PARD3: variants seen among roughly 807,000 people sequenced by gnomAD.
PARD3 encodes par-3 family cell polarity regulator, also known as partitioning defective 3 homolog.
In PARD3, 75 loss-of-function variants were observed where a neutral mutation model predicts 155.4. The observed-to-expected ratio is 0.48, with a 90% CI of 0.40 to 0.58. PARD3 has a LOEUF of 0.58. Among genes scored for constraint, PARD3 ranks in the 20% least tolerant of loss-of-function variants. The pLI, the probability that PARD3 is intolerant of heterozygous loss-of-function variation, is 0.00. For missense variants in PARD3, 1,642 were observed against 1,721.7 expected (o/e 0.95, Z 0.82); for synonymous variants, 576 against 610.5 (o/e 0.94, Z 0.83).
At chr10:34,141,943 A>G (rs1002744041) in intron 22 of PARD3, among the ~76,000 whole-genome samples, 3 of 152,228 alleles carry the variant, frequency 2.0e-5, no homozygotes, top group Admixed American at 6.5e-5. Flanking sequence ...ACTCAGCACT[A>G]AAGTAACACT....
In PARD3 at chr10:34,604,620, A is replaced by G. The variant is rs567901060; in HGVS notation, c.223-87461T>C. On this transcript the variant is annotated intron_variant, in intron 2 of 24. Transcript: ENST00000374788. ...ATATATATAAAGATATATATGATAC[A>G]TAAAGATGTATATGATATATAAAAT... Among the ~76,000 whole-genome samples, 3 of 148,350 alleles carry G rather than the reference A, an allele frequency of 2.0e-5. No individual in the cohort carries two copies. The South Asian group carries it at 6.3e-4, about 31-fold the overall frequency.
intron 2 of PARD3, among the ~76,000 whole-genome samples, chr10:34,536,651 A>G (rs923490657): frequency 3.9e-5 from 6 of 152,224 alleles, no homozygotes; most frequent in African/African-American, 1.4e-4. Flanking sequence ...ACATCTCACA[A>G]TCTTTAGTGT....
intron 19 of PARD3, among the ~76,000 whole-genome samples, chr10:34,328,895 A>C (rs528669071): frequency 6.6e-6 from 1 of 152,334 alleles, no homozygotes; most frequent in South Asian, 2.1e-4. Flanking sequence ...ACTGGTATGC[A>C]AAAAATAATA....
At chr10:34,474,487 T>C (rs1222466425) in intron 3 of PARD3, among the ~76,000 whole-genome samples, 1 of 152,246 alleles carries the variant, frequency 6.6e-6, no homozygotes, top group African/African-American at 2.4e-5. Flanking sequence ...GGCATTTTTA[T>C]GGAGTTTTCA....
chr10:34,683,873 C>T (rs544588374), intron 2 of PARD3, among the ~76,000 whole-genome samples: 1 of 152,298 alleles, frequency 6.6e-6, no homozygotes, highest in East Asian at 1.9e-4. Context: ...TGAACTGTGG[C>T]CAAACCAGTA....
At chr10:34,509,231 G>C (rs887854389) in intron 3 of PARD3, among the ~76,000 whole-genome samples, 1 of 152,174 alleles carries the variant, frequency 6.6e-6, no homozygotes, top group Middle Eastern at 3.4e-3. Context: ...AGCAGAACAT[G>C]CATCTACCTG....
chr10:34,181,995 A>G (rs1950288089), intron 22 of PARD3, among the ~76,000 whole-genome samples: 1 of 152,164 alleles, frequency 6.6e-6, no homozygotes, highest in Non-Finnish European at 1.5e-5. Context: ...TCAGATAAGA[A>G]TTTGTTGAAT....
At chr10:34,403,822 T>A (rs548699953) in intron 5 of PARD3, among the ~76,000 whole-genome samples, 1 of 151,736 alleles carries the variant, frequency 6.6e-6, no homozygotes, top group African/African-American at 2.4e-5. Flanking sequence ...CCAATGGGAG[T>A]GGGTGCAGGA....
At chr10:34,508,857 G>A (rs1010523381) in intron 3 of PARD3, among the ~76,000 whole-genome samples, 2 of 152,064 alleles carry the variant, frequency 1.3e-5, no homozygotes, top group Admixed American at 6.6e-5. Flanking sequence ...ACATGATCGC[G>A]CACACCATTC....
At chr10:34,531,133 T>G (rs752776725) in intron 2 of PARD3, among the ~76,000 whole-genome samples, 2 of 152,198 alleles carry the variant, frequency 1.3e-5, no homozygotes, top group Non-Finnish European at 2.9e-5. Context: ...CTGCCTCTGC[T>G]CAATACAATT....
intron 22 of PARD3, among the ~76,000 whole-genome samples, chr10:34,193,422 C>A (rs1950800396): frequency 6.6e-6 from 1 of 152,034 alleles, no homozygotes; most frequent in Non-Finnish European, 1.5e-5. Context: ...ACAAAGAGAT[C>A]CATTTAATGA....
intron 3 of PARD3, among the ~76,000 whole-genome samples, chr10:34,490,758 A>T (rs532482528): frequency 2.6e-5 from 4 of 151,950 alleles, no homozygotes; most frequent in Non-Finnish European, 5.9e-5. Context: ...AGTACTTAAG[A>T]CCTCCCCATC....
At chr10:34,417,345 C>T (rs1359127595) in intron 5 of PARD3, among the ~76,000 whole-genome samples, 1 of 152,124 alleles carries the variant, frequency 6.6e-6, no homozygotes, top group African/African-American at 2.4e-5. Context: ...TAAAAAGCCA[C>T]AGAAAAGAAC....
At chr10:34,682,995 C>A (rs12774884) in intron 2 of PARD3, among the ~76,000 whole-genome samples, 1 of 152,166 alleles carries the variant, frequency 6.6e-6, no homozygotes, top group Non-Finnish European at 1.5e-5. Context: ...ATTAACATTT[C>A]CTGGGACCTT....
intron 21 of PARD3, among the ~76,000 whole-genome samples, chr10:34,282,696 AT>A (rs1186862552): frequency 6.6e-6 from 1 of 152,080 alleles, no homozygotes; most frequent in Non-Finnish European, 1.5e-5. Flanking sequence ...TAAATTACAT[AT>A]TTGCCTGTGG....
intron 22 of PARD3, among the ~76,000 whole-genome samples, chr10:34,221,286 C>G (rs944078997): frequency 9.2e-5 from 14 of 152,122 alleles, no homozygotes; most frequent in African/African-American, 2.7e-4. Flanking sequence ...CCCTTGACAC[C>G]CTATGAGCGC....
chr10:34,250,148 T>TCCC (rs199885357), intron 22 of PARD3, among the ~76,000 whole-genome samples: 33 of 147,280 alleles, frequency 2.2e-4, no homozygotes, highest in African/African-American at 8.8e-4. Flanking sequence ...AGAAAACTGC[T>TCCC]CCCCCTCCAC....
At chr10:34,250,392 T>C (rs1954233858) in intron 22 of PARD3, among the ~76,000 whole-genome samples, 1 of 152,138 alleles carries the variant, frequency 6.6e-6, no homozygotes, top group Non-Finnish European at 1.5e-5. Flanking sequence ...TAATGAAATA[T>C]TAAGGTAAGT....
chr10:34,483,670 T>G (rs1589736359), intron 3 of PARD3, among the ~76,000 whole-genome samples: 1 of 150,594 alleles, frequency 6.6e-6, no homozygotes, highest in Non-Finnish European at 1.5e-5. Flanking sequence ...CGTATCTTTC[T>G]TCCTCACTGT....
Sources: allele counts gnomAD v4.1 joint callset (sites outside exome capture counted in the v4.1 genomes callset), GRCh38; gene constraint gnomAD v4.1.1; transcripts MANE v1.5; gene names NCBI Gene and HGNC (gene_info 2026-07-23, HGNC 2026-07-21).